The following PTPN2 variants were observed in gnomAD, a reference collection of about 807,000 sequenced individuals.
PTPN2 encodes protein tyrosine phosphatase non-receptor type 2, also known as tyrosine-protein phosphatase non-receptor type 2.
In PTPN2, 19 loss-of-function variants were observed where a neutral mutation model predicts 57.3. The observed-to-expected ratio is 0.33, with a 90% CI of 0.23 to 0.49. The LOEUF (loss-of-function observed/expected upper bound fraction) is 0.49. PTPN2 is among the 20% of genes least tolerant of loss of function. The probability of loss-of-function intolerance (pLI) is 0.99; values close to 1 mark genes in which losing one functional copy is unlikely to be tolerated. For synonymous variants in PTPN2, 153 were observed against 164.9 expected, an observed-to-expected ratio of 0.93 and a Z score of 0.55; for missense variants, 358 against 501.1, an observed-to-expected ratio of 0.71 and a Z score of 2.73.
chr18:12,836,817 CCTCTT>C lies in PTPN2; in HGVS notation c.230_234del (p.Glu77GlyfsTer14). Reference sequence around the variant, plus strand: ...TGTGTTAAGATGTAACTCCTTTGTGCCTCTTCTATGTCAACTAAACTGGCATTAAT... The same window carrying C: ...TGTGTTAAGATGTAACTCCTTTGTGCCTATGTCAACTAAACTGGCATTAAT... On this transcript the variant is annotated frameshift_variant, in exon 3 of 9. Transcript: ENST00000309660. LOFTEE classifies it high-confidence loss of function. The C allele has an allele frequency of 6.2e-7, 1 of 1,608,442 alleles. No homozygotes were observed. Among genetic ancestry groups the C allele is most frequent in the Non-Finnish European group, 8.5e-7 (1 of 1,176,966 alleles).
At chr18:12,821,678 C>T (rs139995928) in intron 5 of PTPN2, among the ~76,000 whole-genome samples, 8 of 152,234 alleles carry the variant, frequency 5.3e-5, no homozygotes, top group African/African-American at 1.9e-4. Flanking sequence ...ATGCCACCCA[C>T]CCCCACCAAG....
In PTPN2 at chr18:12,866,437, AAAAACAAAACAAAAC is replaced by A. The variant is rs200227789; in HGVS notation, c.70-7198_70-7184del. ...TAGGCGACAGAGCCAGACTCCTCTC[AAAAACAAAACAAAAC>A]AAAACAAAACAAAACAAAACAAAAC... On this transcript the variant is annotated intron_variant, in intron 1 of 8. Coordinates refer to ENST00000309660, the MANE Select transcript of PTPN2 (RefSeq NM_002828.4). Among the ~76,000 whole-genome samples the A allele has an allele frequency of 2.8e-3, 411 of 148,402 alleles. 5 individuals are homozygous for A. Among genetic ancestry groups the A allele is most frequent in the South Asian group, 0.01 (47 of 4,622 alleles).
chr18:12,875,262 C>T (rs2044447799), intron 1 of PTPN2, among the ~76,000 whole-genome samples: 1 of 151,370 alleles, frequency 6.6e-6, no homozygotes, highest in African/African-American at 2.4e-5. Context: ...TCCTATGACC[C>T]TGCCAAATCC....
chr18:12,804,210 T>C lies in PTPN2; in HGVS notation c.859-2059A>G, dbSNP rs138983752. ...GGGAAGCTGAGGCATAAGAATCACT[T>C]GAACCCGGGAGGCGGAGGTTGCACT... is the stretch of plus-strand genomic sequence containing the variant. On this transcript the variant is annotated intron_variant, in intron 7 of 8. Transcript: ENST00000309660. Among the ~76,000 whole-genome samples the C allele has an allele frequency of 4.3e-3, 606 of 142,446 alleles. 6 individuals carry two copies. Among genetic ancestry groups the C allele is most frequent in the African/African-American group, 0.015 (572 of 37,964 alleles). 93.5% of individuals were successfully genotyped at this position (142,446 alleles called of 152,430 possible).
chr18:12,804,594 CTATTA>C (rs1445879754), intron 7 of PTPN2, among the ~76,000 whole-genome samples: 2 of 151,406 alleles, frequency 1.3e-5, no homozygotes, highest in Non-Finnish European at 2.9e-5. Flanking sequence ...TTGTAAGAGA[CTATTA>C]TAAACAACTG....
At chr18:12,813,209 G>C (rs2041957046) in intron 7 of PTPN2, among the ~76,000 whole-genome samples, 1 of 152,150 alleles carries the variant, frequency 6.6e-6, no homozygotes, top group African/African-American at 2.4e-5. Context: ...AAAGCTCACT[G>C]TGATTAGAAA....
At chr18:12,818,244 A>C (rs910011029) in intron 5 of PTPN2, among the ~76,000 whole-genome samples, 1 of 152,202 alleles carries the variant, frequency 6.6e-6, no homozygotes, top group African/African-American at 2.4e-5. Context: ...TCTCCCGTTC[A>C]CATGATTATC....
rs1485896365 is a variant in PTPN2 at position 12,815,458 on chromosome 18, A to C, written c.706-1103T>G. On this transcript the variant is annotated intron_variant, in intron 6 of 8. Coordinates refer to ENST00000309660, the MANE Select transcript of PTPN2 (RefSeq NM_002828.4). ...ATAGAATAATAAAATAAAATGAAGAAAGACGGTGGAAAAGACAGCAAAAGC... is the reference window on the plus strand; with the variant it reads ...ATAGAATAATAAAATAAAATGAAGACAGACGGTGGAAAAGACAGCAAAAGC... 3.3e-5 allele frequency among the ~76,000 whole-genome samples: 5 copies of C among 152,148 alleles called. No individual in the cohort carries two copies. In the East Asian group the frequency reaches 9.6e-4, roughly 29 times the overall value.
chr18:12,878,761 C>T (rs1314629054), intron 1 of PTPN2, among the ~76,000 whole-genome samples: 2 of 152,164 alleles, frequency 1.3e-5, no homozygotes, highest in Non-Finnish European at 2.9e-5. Flanking sequence ...GTGAGAGGCT[C>T]ACCTGAGCCC....
chr18:12,836,921 G>A, intron 2 of PTPN2, 30 bp from the exon 3 acceptor site: 4 of 1,338,728 alleles, frequency 3.0e-6, no homozygotes, highest in South Asian at 1.2e-5. Context: ...AACCACAACT[G>A]TCATTTCAAA....
At chr18:12,802,593 T>G (rs1418226670) in intron 7 of PTPN2, among the ~76,000 whole-genome samples, 2 of 152,014 alleles carry the variant, frequency 1.3e-5, no homozygotes, top group Admixed American at 1.3e-4. Context: ...AAGTCAGACA[T>G]AGAGAATTCT....
chr18:12,870,276 T>C (rs1453283875), intron 1 of PTPN2, among the ~76,000 whole-genome samples: 1 of 77,966 alleles, frequency 1.3e-5, no homozygotes, highest in Non-Finnish European at 2.2e-5. Context: ...TATATATGTA[T>C]ATATATACAT....
chr18:12,813,540 A>C (rs1166980588), intron 7 of PTPN2, among the ~76,000 whole-genome samples: 2 of 152,210 alleles, frequency 1.3e-5, no homozygotes, highest in Non-Finnish European at 1.5e-5. Flanking sequence ...AGTGCTAGTA[A>C]ATATGTTCAC....
At chr18:12,810,398 C>T (rs966761445) in intron 7 of PTPN2, among the ~76,000 whole-genome samples, 1 of 152,110 alleles carries the variant, frequency 6.6e-6, no homozygotes, top group African/African-American at 2.4e-5. Context: ...TTCACCGTTC[C>T]CAGATATGGC....
intron 7 of PTPN2, among the ~76,000 whole-genome samples, chr18:12,808,397 T>C (rs74377724): frequency 4.9e-4 from 75 of 152,334 alleles, no homozygotes; most frequent in African/African-American, 1.7e-3. Context: ...TATGAGGTGA[T>C]AGACGTGCTA....
chr18:12,881,453 T>C (rs1432480563), intron 1 of PTPN2, among the ~76,000 whole-genome samples: 2 of 151,792 alleles, frequency 1.3e-5, no homozygotes, highest in Admixed American at 1.3e-4. Flanking sequence ...AAGAAGCAAA[T>C]ATGATCATGG....
At chr18:12,811,559 T>A (rs924790349) in intron 7 of PTPN2, among the ~76,000 whole-genome samples, 41 of 152,190 alleles carry the variant, frequency 2.7e-4, no homozygotes, top group African/African-American at 9.6e-4. Flanking sequence ...TTGCCATGGC[T>A]ATGTTCAGCA....
chr18:12,863,168 AT>A (rs1346001815), intron 1 of PTPN2: 2 of 152,146 alleles, frequency 1.3e-5, no homozygotes, highest in African/African-American at 4.8e-5. Context: ...CAGATTCCGA[AT>A]GTTTCCTCTG....
chr18:12,857,701 G>A (rs960214010), intron 2 of PTPN2, among the ~76,000 whole-genome samples: 4 of 152,102 alleles, frequency 2.6e-5, no homozygotes, highest in African/African-American at 9.7e-5. Context: ...GCTATTCCCT[G>A]AACGCACACC....
Sources: gnomAD v4.1 joint callset for allele counts (sites outside exome capture counted in the v4.1 genomes callset) on GRCh38, gnomAD v4.1.1 for gene constraint, MANE v1.5 for transcripts, NCBI Gene and HGNC (gene_info 2026-07-23, HGNC 2026-07-21) for gene names.